TSHR: variants seen among roughly 807,000 people sequenced by gnomAD.
The protein encoded by TSHR is thyroid stimulating hormone receptor.
In TSHR, 51 loss-of-function variants were observed where a neutral mutation model predicts 64.1. The observed-to-expected ratio is 0.80, with a 90% CI of 0.64 to 1.01. TSHR has a LOEUF of 1.01. Among genes scored for constraint, TSHR ranks in the 50% least tolerant of loss-of-function variants. The pLI is 0.00. For synonymous variants in TSHR, 361 were observed against 361.9 expected (o/e 1.00, Z 0.03); for missense variants, 877 against 942.8 (o/e 0.93, Z 0.91).
chr14:80,997,930 G>T (rs1053889115), intron 1 of TSHR, among the ~76,000 whole-genome samples: 4 of 152,142 alleles, frequency 2.6e-5, no homozygotes, highest in African/African-American at 9.7e-5. Context: ...GAGACTGTTT[G>T]TCTGAACTGT....
In TSHR at chr14:81,139,807, G is replaced by T. The variant is rs367893332; in HGVS notation, c.821G>T (p.Arg274Leu). The change falls in exon 9 of 10, where the codon CGG becomes CTG. Residue 274 changes from arginine (R) to leucine (L), a missense_variant. Arg to Leu is a moderately radical substitution (Grantham distance 102). Transcript: ENST00000298171. ...PLSLSFLHLT[R>L]ADLSYPSHCC... ...TCCTTGAGTTTCCTTCACCTCACAC[G>T]GGCTGACCTTTCTTACCCAAGCCAC... 1 of 1,614,132 alleles carries T rather than the reference G, an allele frequency of 6.2e-7. No homozygotes were observed. Among genetic ancestry groups the T allele is most frequent in the South Asian group, 1.1e-5 (1 of 91,084 alleles).
chr14:80,984,598 C>G (rs1414721095), intron 1 of TSHR, among the ~76,000 whole-genome samples: 3 of 152,138 alleles, frequency 2.0e-5, no homozygotes, highest in African/African-American at 7.2e-5. Flanking sequence ...TTACAGTTCC[C>G]CTGAAGGACA....
At chr14:81,122,941 C>T (rs1488329559) in intron 8 of TSHR, among the ~76,000 whole-genome samples, 1 of 152,190 alleles carries the variant, frequency 6.6e-6, no homozygotes, top group African/African-American at 2.4e-5. Context: ...GCCTGGCCTA[C>T]ATGGTGAAAC....
chr14:81,133,022 T>C (rs1206581560), intron 8 of TSHR, among the ~76,000 whole-genome samples: 2 of 152,198 alleles, frequency 1.3e-5, no homozygotes, highest in Non-Finnish European at 2.9e-5. Flanking sequence ...TGAGGATCTC[T>C]TCAGACTGAG....
In TSHR at chr14:80,955,646, G is replaced by C. The variant is rs776681439; in HGVS notation, c.-35G>C. On this transcript the variant is annotated 5_prime_UTR_variant, in exon 1 of 10. Transcript: ENST00000298171. Reference sequence around the variant, plus strand: ...GCAGAGCTGAGAATGAGGCGATTTCGGAGGATGGAGAAATAGCCCCGAGTC... The same window carrying C: ...GCAGAGCTGAGAATGAGGCGATTTCCGAGGATGGAGAAATAGCCCCGAGTC... 7 of 1,612,540 alleles carry C rather than the reference G, an allele frequency of 4.3e-6. No homozygotes were observed. The highest frequency in any genetic ancestry group is 5.9e-6 in the Non-Finnish European group (7 of 1,179,560).
At chr14:81,111,135 C>CACAATAGTGTAGTCTACA (rs1252596063) in intron 8 of TSHR, among the ~76,000 whole-genome samples, 1 of 152,112 alleles carries the variant, frequency 6.6e-6, no homozygotes, top group Non-Finnish European at 1.5e-5. Context: ...AATTTGAAGA[C>CACAATAGTGTAGTCTACA]CAATAGTGTA....
Position 80,956,435 on chromosome 14 carries a change from A to G in TSHR, c.170+585A>G, listed in dbSNP as rs1372318760. Among the ~76,000 whole-genome samples the G allele has an allele frequency of 3.3e-5, 5 of 152,348 alleles. No individual in the cohort carries two copies. The East Asian group carries it at 9.6e-4, about 29-fold the overall frequency. On this transcript the variant is annotated intron_variant, in intron 1 of 9. Coordinates refer to ENST00000298171, the MANE Select transcript of TSHR (RefSeq NM_000369.5). ...TACGTCCAGAACCCTGCTTTGTGATAGAGGTATAAAGAAATGAAATTTCAT... is the reference window on the plus strand; with the variant it reads ...TACGTCCAGAACCCTGCTTTGTGATGGAGGTATAAAGAAATGAAATTTCAT...
intron 8 of TSHR, among the ~76,000 whole-genome samples, chr14:81,130,820 T>C (rs1241109881): frequency 1.8e-5 from 2 of 110,260 alleles, no homozygotes; most frequent in Admixed American, 7.7e-5. Context: ...TGAAACCCCG[T>C]CTCTACTAAA....
At chr14:81,025,714 T>C (rs1036107792) in intron 1 of TSHR, among the ~76,000 whole-genome samples, 1 of 152,210 alleles carries the variant, frequency 6.6e-6, no homozygotes, top group Non-Finnish European at 1.5e-5. Context: ...ATGAAATATT[T>C]AGTTTCAGGA....
At chr14:81,022,318 G>A (rs535238951) in intron 1 of TSHR, among the ~76,000 whole-genome samples, 14 of 152,048 alleles carry the variant, frequency 9.2e-5, no homozygotes, top group Non-Finnish European at 1.8e-4. Flanking sequence ...AATTACTGTG[G>A]GCATGATAAT....
At chr14:81,029,476 G>T (rs1884237616) in intron 1 of TSHR, among the ~76,000 whole-genome samples, 1 of 152,068 alleles carries the variant, frequency 6.6e-6, no homozygotes, top group South Asian at 2.1e-4. Flanking sequence ...GATTTGGATT[G>T]TTACAGTTCC....
At chr14:81,042,935 A>C (rs1038795313) in intron 1 of TSHR, among the ~76,000 whole-genome samples, 1 of 152,070 alleles carries the variant, frequency 6.6e-6, no homozygotes, top group South Asian at 2.1e-4. Flanking sequence ...TGTCAGTAAA[A>C]AACAAAACAA....
intron 1 of TSHR, among the ~76,000 whole-genome samples, chr14:81,045,313 G>T (rs976405407): frequency 2.0e-5 from 3 of 152,194 alleles, no homozygotes; most frequent in African/African-American, 7.2e-5. Flanking sequence ...ACTTTGGGAA[G>T]ATTGGTATTA....
chr14:80,989,043 A>G (rs1696071291), intron 1 of TSHR, among the ~76,000 whole-genome samples: 1 of 152,166 alleles, frequency 6.6e-6, no homozygotes, highest in Admixed American at 6.5e-5. Context: ...GAGCACCTCA[A>G]ATTCAGCACC....
intron 1 of TSHR, among the ~76,000 whole-genome samples, chr14:81,044,837 G>A (rs1213577855): frequency 6.6e-6 from 1 of 152,140 alleles, no homozygotes; most frequent in Non-Finnish European, 1.5e-5. Context: ...GGAAGACTGT[G>A]TGGTGATTCC....
intron 1 of TSHR, among the ~76,000 whole-genome samples, chr14:80,964,467 A>G (rs1168787091): frequency 6.6e-6 from 1 of 152,210 alleles, no homozygotes; most frequent in African/African-American, 2.4e-5. Flanking sequence ...TTTTTTGTCC[A>G]GAGCTGAGAA....
intron 9 of TSHR, 102 bp downstream of exon 9, chr14:81,139,969 G>C: frequency 2.1e-6 from 3 of 1,456,174 alleles, no homozygotes; most frequent in Middle Eastern, 2.0e-4. Flanking sequence ...AAACCAGGTG[G>C]AGAGGAAATT....
chr14:81,077,195 G>T (rs1887566651), intron 3 of TSHR, among the ~76,000 whole-genome samples: 1 of 152,134 alleles, frequency 6.6e-6, no homozygotes, highest in Non-Finnish European at 1.5e-5. Context: ...AATTTAGTAT[G>T]ACAATGCAGA....
At chr14:81,045,820 G>C (rs1170514030) in intron 1 of TSHR, among the ~76,000 whole-genome samples, 2 of 152,092 alleles carry the variant, frequency 1.3e-5, no homozygotes, top group Non-Finnish European at 2.9e-5. Context: ...AAATATAAAA[G>C]TTTAAAACAA....
Sources: gnomAD v4.1 joint callset for allele counts (sites outside exome capture counted in the v4.1 genomes callset) on GRCh38, gnomAD v4.1.1 for gene constraint, MANE v1.5 for transcripts, NCBI Gene and HGNC (gene_info 2026-07-23, HGNC 2026-07-21) for gene names.